Variants in ARID1B observed in about 807,000 individuals in gnomAD.
ARID1B encodes AT-rich interactive domain-containing protein 1B.
In ARID1B, 30 loss-of-function variants were observed where a neutral mutation model predicts 212.3. The ratio of observed to expected loss-of-function variants is 0.14; its 90% CI spans 0.11 to 0.19. ARID1B has a LOEUF of 0.19. ARID1B is among the 10% of genes least tolerant of loss of function. ARID1B has a pLI of 1.00. For missense variants in ARID1B, 2,891 were observed against 3,204.0 expected, an observed-to-expected ratio of 0.90 and a Z score of 2.36; for synonymous variants, 1,402 against 1,301.7, an observed-to-expected ratio of 1.08 and a Z score of -1.66.
intron 7 of ARID1B, among the ~76,000 whole-genome samples, chr6:157,135,088 ATT>A (rs200748744): frequency 2.8e-5 from 4 of 142,458 alleles, no homozygotes; most frequent in Admixed American, 7.1e-5. Context: ...TATAGAATGG[ATT>A]TTTTTTTTTT....
At chr6:156,977,091 CA>C (rs144252627) in intron 4 of ARID1B, 60,385 of 148,838 alleles carry the variant, frequency 0.41, 8,553 homozygotes, top group East Asian at 0.64. Context: ...TACATATTTA[CA>C]AAAAAAAAAA....
At chr6:157,061,558 A>G (rs1783343072) in intron 4 of ARID1B, among the ~76,000 whole-genome samples, 1 of 151,926 alleles carries the variant, frequency 6.6e-6, no homozygotes, top group African/African-American at 2.4e-5. Context: ...TTACCATCTC[A>G]GGGTTGTCAG....
chr6:156,836,152 C>T (rs1194483942), intron 2 of ARID1B, among the ~76,000 whole-genome samples: 3 of 152,114 alleles, frequency 2.0e-5, no homozygotes, highest in African/African-American at 7.2e-5. Context: ...AAACACTGAA[C>T]AACAACGGAA....
At chr6:157,041,224 G>A (rs1272085062) in intron 4 of ARID1B, among the ~76,000 whole-genome samples, 2 of 152,272 alleles carry the variant, frequency 1.3e-5, no homozygotes, top group African/African-American at 4.8e-5. Context: ...GGATAACCGT[G>A]CCTTGTATAT....
intron 5 of ARID1B, among the ~76,000 whole-genome samples, chr6:157,098,240 C>T (rs1451058398): frequency 1.3e-5 from 2 of 152,146 alleles, no homozygotes; most frequent in African/African-American, 4.8e-5. Context: ...AGCGAGGATT[C>T]GAGAGAATGG....
At chr6:157,029,222 T>G (rs1016233808) in intron 4 of ARID1B, among the ~76,000 whole-genome samples, 7 of 152,266 alleles carry the variant, frequency 4.6e-5, no homozygotes, top group African/African-American at 1.7e-4. Flanking sequence ...AACAGTCATG[T>G]GTAATGCATG....
chr6:157,101,287 G>A (rs1003369687), intron 5 of ARID1B, among the ~76,000 whole-genome samples: 1 of 152,088 alleles, frequency 6.6e-6, no homozygotes, highest in Non-Finnish European at 1.5e-5. Flanking sequence ...TATTGATTTT[G>A]TAGCACCATC....
chr6:156,899,510 C>T (rs530640969), intron 2 of ARID1B, among the ~76,000 whole-genome samples: 138 of 152,136 alleles, frequency 9.1e-4, no homozygotes, highest in African/African-American at 3.1e-3. Flanking sequence ...TGGTTTTAAT[C>T]GTGAAGGAGC....
intron 4 of ARID1B, among the ~76,000 whole-genome samples, chr6:157,039,748 C>CCTTT (rs1781691419): frequency 9.8e-6 from 1 of 101,670 alleles, no homozygotes; most frequent in African/African-American, 3.8e-5. Context: ...TCCCTCCCTT[C>CCTTT]CTTCCTTCCT....
chr6:156,967,407 A>T (rs1794842737), intron 4 of ARID1B, among the ~76,000 whole-genome samples: 1 of 152,202 alleles, frequency 6.6e-6, no homozygotes, highest in Non-Finnish European at 1.5e-5. Flanking sequence ...CATGAAGATA[A>T]ATTAGCTGTC....
intron 7 of ARID1B, among the ~76,000 whole-genome samples, chr6:157,143,951 T>C (rs1583392821): frequency 6.6e-6 from 1 of 152,254 alleles, no homozygotes; most frequent in East Asian, 1.9e-4. Context: ...CTAAGCGCCT[T>C]TCTAAGCACA....
At chr6:157,030,438 G>T (rs1340622519) in intron 4 of ARID1B, 1 of 152,232 alleles carries the variant, frequency 6.6e-6, no homozygotes, top group African/African-American at 2.4e-5. Flanking sequence ...GGTGGAAGAG[G>T]CTATAACACC....
At chr6:157,188,388 T>A (rs760310325) in intron 13 of ARID1B, among the ~76,000 whole-genome samples, 12 of 152,170 alleles carry the variant, frequency 7.9e-5, no homozygotes, top group Non-Finnish European at 1.5e-4. Flanking sequence ...TGGCTAGGAA[T>A]GTCTCTGTCT....
At chr6:156,847,106 A>T (rs1784283342) in intron 2 of ARID1B, among the ~76,000 whole-genome samples, 1 of 151,462 alleles carries the variant, frequency 6.6e-6, no homozygotes, top group African/African-American at 2.4e-5. Context: ...AAACATGAGC[A>T]TTTAATCTGT....
At chr6:156,786,529 T>C (rs1779643013) in intron 1 of ARID1B, among the ~76,000 whole-genome samples, 1 of 152,224 alleles carries the variant, frequency 6.6e-6, no homozygotes, top group Non-Finnish European at 1.5e-5. Flanking sequence ...CTGCTGATGC[T>C]GATAGGTAGT....
At chr6:156,841,329 G>A (rs11966854) in intron 2 of ARID1B, among the ~76,000 whole-genome samples, 484 of 152,312 alleles carry the variant, frequency 3.2e-3, no homozygotes, top group African/African-American at 0.011. Flanking sequence ...GCTACGGCTG[G>A]AATGAGAGTT....
intron 6 of ARID1B, among the ~76,000 whole-genome samples, chr6:157,119,312 A>T (rs778508592): frequency 2.6e-5 from 4 of 152,084 alleles, no homozygotes; most frequent in South Asian, 2.1e-4. Flanking sequence ...CGGTGAGAGC[A>T]TGTCATTCCT....
At chr6:157,033,623 G>C (rs1434971053) in intron 4 of ARID1B, among the ~76,000 whole-genome samples, 2 of 152,142 alleles carry the variant, frequency 1.3e-5, no homozygotes, top group Non-Finnish European at 1.5e-5. Flanking sequence ...GTTATTTTTG[G>C]TGGAGGTGGG....
chr6:156,917,437 C>T (rs1478260225), intron 3 of ARID1B, among the ~76,000 whole-genome samples: 3 of 152,016 alleles, frequency 2.0e-5, no homozygotes, highest in African/African-American at 7.2e-5. Flanking sequence ...GGAGGGTTGA[C>T]GGTGCCGTGG....
Sources: gnomAD v4.1 joint callset for allele counts (sites outside exome capture counted in the v4.1 genomes callset) on GRCh38, gnomAD v4.1.1 for gene constraint, MANE v1.5 for transcripts, NCBI Gene and HGNC (gene_info 2026-07-23, HGNC 2026-07-21) for gene names.